NGF: variants seen among roughly 807,000 people sequenced by gnomAD.
NGF encodes nerve growth factor.
Under a neutral mutation model 12.8 loss-of-function variants are expected in NGF, and 4 were observed. The ratio of observed to expected loss-of-function variants is 0.31; its 90% CI spans 0.15 to 0.72. The LOEUF is 0.72. Among genes scored for constraint, NGF ranks in the 30% least tolerant of loss-of-function variants. The pLI, the probability that NGF is intolerant of heterozygous loss-of-function variation, is 0.69. For missense variants in NGF, 283 were observed against 330.8 expected (o/e 0.86, Z 1.12); for synonymous variants, 140 against 130.0 (o/e 1.08, Z -0.52).
At chr1:115,301,167 T>C (rs1654023779) in intron 1 of NGF, among the ~76,000 whole-genome samples, 2 of 152,100 alleles carry the variant, frequency 1.3e-5, no homozygotes, top group Admixed American at 6.5e-5. Context: ...ATTGGGGAAA[T>C]TTACTCTGGA....
At chr1:115,319,633 A>C (rs10776798) in intron 1 of NGF, among the ~76,000 whole-genome samples, 130,519 of 152,212 alleles carry the variant, frequency 0.86, 56,433 homozygotes, top group African/African-American at 0.95. Context: ...AAAACTTGAC[A>C]AAATCATACA....
chr1:115,312,725 A>C (rs1477561683), intron 1 of NGF, among the ~76,000 whole-genome samples: 5 of 152,230 alleles, frequency 3.3e-5, no homozygotes, highest in African/African-American at 1.2e-4. Context: ...TGATCTCAAT[A>C]GGAAATAGAC....
At position 115,286,009 on chromosome 1, in the gene NGF, T is replaced by C. The variant is rs1195288005; in HGVS notation, c.*61A>G. The stretch of plus-strand genomic sequence containing the variant: ...TTATAATTTAAAATAATTTACAGGT[T>C]GAGGTAGGGAGGGGCCCAGGAGAGT... On this transcript the variant is annotated 3_prime_UTR_variant, in exon 3 of 3. Transcript: ENST00000369512. The C allele has an allele frequency of 6.3e-7, 1 of 1,574,878 alleles. No homozygotes were observed. Among genetic ancestry groups the C allele is most frequent in the African/African-American group, 1.4e-5 (1 of 73,522 alleles).
At chr1:115,290,865 T>C (rs1189117012) in intron 2 of NGF, among the ~76,000 whole-genome samples, 4 of 152,250 alleles carry the variant, frequency 2.6e-5, no homozygotes, top group Non-Finnish European at 5.9e-5. Context: ...ACTGTGAGTA[T>C]GTAGACAAGT....
chr1:115,312,181 G>A (rs1269393243), intron 1 of NGF, among the ~76,000 whole-genome samples: 1 of 152,160 alleles, frequency 6.6e-6, no homozygotes, highest in African/African-American at 2.4e-5. Flanking sequence ...ACATCTCTTG[G>A]TAAACTAGAG....
rs573017106 is a variant in NGF at position 115,317,224 on chromosome 1, C to T, written c.-137+20980G>A. On this transcript the variant is annotated intron_variant, in intron 1 of 2. Coordinates refer to ENST00000369512, the MANE Select transcript of NGF (RefSeq NM_002506.3). Reference sequence around the variant, plus strand: ...GCCACCATCTGTTTGCAGGGCAGCTCGAGTGTTGTGCATCTGATTTCAATA... The same window carrying T: ...GCCACCATCTGTTTGCAGGGCAGCTTGAGTGTTGTGCATCTGATTTCAATA... Among the ~76,000 whole-genome samples the T allele has an allele frequency of 9.2e-5, 14 of 152,122 alleles. No homozygotes were observed. In the East Asian group the frequency reaches 1.5e-3, roughly 17 times the overall value.
chr1:115,291,361 G>A (rs982621650), intron 2 of NGF, among the ~76,000 whole-genome samples: 1 of 152,160 alleles, frequency 6.6e-6, no homozygotes, highest in Non-Finnish European at 1.5e-5. Context: ...TGAACCAGGG[G>A]AGAAGTTTTA....
intron 1 of NGF, among the ~76,000 whole-genome samples, chr1:115,324,013 A>G (rs1654701209): frequency 6.6e-6 from 1 of 152,202 alleles, no homozygotes; most frequent in South Asian, 2.1e-4. Flanking sequence ...CCTTGGAAAT[A>G]TGATCTATGA....
At chr1:115,300,790 A>G (rs533270364) in intron 1 of NGF, among the ~76,000 whole-genome samples, 5 of 152,178 alleles carry the variant, frequency 3.3e-5, no homozygotes, top group Non-Finnish European at 2.9e-5. Flanking sequence ...TACTTCCATG[A>G]GTGTGTTTGT....
chr1:115,298,391 T>A (rs1026374208), intron 1 of NGF, among the ~76,000 whole-genome samples: 1 of 152,142 alleles, frequency 6.6e-6, no homozygotes, highest in African/African-American at 2.4e-5. Flanking sequence ...CTTTTCCCAT[T>A]GTGGACAGAC....
rs577900330 is a variant in NGF, at chr1:115,325,307, C to G, written c.-137+12897G>C. Among the ~76,000 whole-genome samples, 10 of 152,212 alleles carry G rather than the reference C, an allele frequency of 6.6e-5. No individual in the cohort carries two copies. In the South Asian group the frequency reaches 2.1e-3, roughly 32 times the overall value. On this transcript the variant is annotated intron_variant, in intron 1 of 2. Transcript: ENST00000369512. ...TGCTGGAGACAGTCAGGGTCCAGAT[C>G]GTATAAGGCAGATTTCCTCCACCCC...
intron 2 of NGF, among the ~76,000 whole-genome samples, chr1:115,292,826 T>C (rs1653745302): frequency 6.6e-6 from 1 of 152,170 alleles, no homozygotes; most frequent in Admixed American, 6.5e-5. Flanking sequence ...TTTTCATATC[T>C]GCTTTGTTAG....
chr1:115,303,058 A>G (rs1341835140), intron 1 of NGF, among the ~76,000 whole-genome samples: 1 of 152,188 alleles, frequency 6.6e-6, no homozygotes, highest in Non-Finnish European at 1.5e-5. Flanking sequence ...ATAAAAAACA[A>G]AAATAAATTA....
At chr1:115,312,678 G>A (rs1654366015) in intron 1 of NGF, among the ~76,000 whole-genome samples, 1 of 152,134 alleles carries the variant, frequency 6.6e-6, no homozygotes, top group South Asian at 2.1e-4. Flanking sequence ...GCCTGTACAA[G>A]CCAACTAACA....
chr1:115,307,406 G>A (rs1401685443), intron 1 of NGF, among the ~76,000 whole-genome samples: 1 of 152,124 alleles, frequency 6.6e-6, no homozygotes, highest in Non-Finnish European at 1.5e-5. Flanking sequence ...AGAGAGTGAA[G>A]CTGAGAGAAA....
intron 1 of NGF, among the ~76,000 whole-genome samples, chr1:115,336,501 GA>G (rs1241695125): frequency 3.9e-5 from 6 of 152,124 alleles, no homozygotes; most frequent in Non-Finnish European, 8.8e-5. Context: ...TCAGCCCCCA[GA>G]CCCGCCTGTC....
At chr1:115,307,453 G>A (rs1289064288) in intron 1 of NGF, among the ~76,000 whole-genome samples, 2 of 152,180 alleles carry the variant, frequency 1.3e-5, no homozygotes, top group Admixed American at 6.5e-5. Context: ...AAAAGACTTT[G>A]AAGATAATCT....
intron 2 of NGF, among the ~76,000 whole-genome samples, chr1:115,290,693 C>T (rs1389905533): frequency 6.6e-6 from 1 of 152,168 alleles, no homozygotes; most frequent in Non-Finnish European, 1.5e-5. Context: ...CGCCCTGCCC[C>T]TTCTCTATCT....
In NGF at chr1:115,324,671, T is replaced by C. The variant is rs561603701; in HGVS notation, c.-137+13533A>G. ...AAGAGGGCTACTGTGGGTGCATATA[T>C]GCTTGAGAGGAAGCCCTTCTCCATT... is the stretch of plus-strand genomic sequence containing the variant. On this transcript the variant is annotated intron_variant, in intron 1 of 2. Coordinates refer to ENST00000369512, the MANE Select transcript of NGF (RefSeq NM_002506.3). Among the ~76,000 whole-genome samples, 3 of 152,282 alleles carry C rather than the reference T, an allele frequency of 2.0e-5. No individual in the cohort carries two copies. The South Asian group carries it at 6.2e-4, about 32-fold the overall frequency.
Sources: gnomAD v4.1 joint callset for allele counts (sites outside exome capture counted in the v4.1 genomes callset) on GRCh38, gnomAD v4.1.1 for gene constraint, MANE v1.5 for transcripts, NCBI Gene and HGNC (gene_info 2026-07-23, HGNC 2026-07-21) for gene names.